IGLON5: variants seen among roughly 807,000 people sequenced by gnomAD.
The protein encoded by IGLON5 is Ig-like domain-containing protein ENSP00000270642.
A neutral mutation model predicts 38.2 loss-of-function variants in IGLON5; 16 were observed. That is an observed-to-expected ratio of 0.42 (90% CI 0.28 to 0.64). The LOEUF (loss-of-function observed/expected upper bound fraction) is 0.64. Among genes scored for constraint, IGLON5 ranks in the 30% least tolerant of loss-of-function variants. IGLON5 has a pLI of 0.23. For synonymous variants in IGLON5, 207 were observed against 216.4 expected, an observed-to-expected ratio of 0.96 and a Z score of 0.38; for missense variants, 366 against 483.4, an observed-to-expected ratio of 0.76 and a Z score of 2.28.
chr19:51,327,929 C>T lies in IGLON5; in HGVS notation c.922+43C>T. 1.1e-6 allele frequency: 1 copy of T among 940,544 alleles called. No homozygotes were observed. The highest frequency in any genetic ancestry group is 1.4e-6 in the Non-Finnish European group (1 of 700,426). 58.3% of individuals were successfully genotyped at this position (940,544 alleles called of 1,614,324 possible). The stretch of plus-strand genomic sequence containing the variant: ...GCGGGGCCGGGAAGGTGGGCGGGGC[C>T]GGGGGCGGGGCTAGGGAAGTGGAGA... On this transcript the variant is annotated intron_variant, in intron 7 of 7. Coordinates refer to ENST00000270642, the MANE Select transcript of IGLON5 (RefSeq NM_001101372.3). This position sits in a 1 kb window ranked among gnomAD's most constrained non-coding sequence, Gnocchi z 7.1.
chr19:51,319,374 T>C (rs1175579116), intron 1 of IGLON5, among the ~76,000 whole-genome samples: 1 of 151,914 alleles, frequency 6.6e-6, no homozygotes, highest in Non-Finnish European at 1.5e-5. Context: ...ATGACCTGAT[T>C]CTCGGCCCAG....
At chr19:51,316,499 T>C (rs1266609989) in intron 1 of IGLON5, among the ~76,000 whole-genome samples, 1 of 118,228 alleles carries the variant, frequency 8.5e-6, no homozygotes, top group African/African-American at 2.7e-5. Flanking sequence ...TTTTCTTTTC[T>C]TTTTTTTTTT....
intron 1 of IGLON5, among the ~76,000 whole-genome samples, chr19:51,313,595 CTCTTTCCTTCTTTCTT>C (rs1376707713): frequency 1.4e-5 from 2 of 142,804 alleles, no homozygotes; most frequent in Admixed American, 6.9e-5. Context: ...TTCCTTCTTT[CTCTTTCCTTCTTTCTT>C]TCTTTCCTTC....
rs1985205147 is a variant in IGLON5, at chr19:51,325,912, A to G, written c.511+447A>G. Among the ~76,000 whole-genome samples the G allele has an allele frequency of 6.6e-6, 1 of 152,134 alleles. No individual in the cohort carries two copies. On this transcript the variant is annotated intron_variant, in intron 4 of 7. Coordinates refer to ENST00000270642, the MANE Select transcript of IGLON5 (RefSeq NM_001101372.3). This position sits in a 1 kb window ranked among gnomAD's most constrained non-coding sequence, Gnocchi z 5.5. ...TGGGCCCCAGACCCGAAGCATCAGC[A>G]TACCTTGGGAACTTGCCAGGAATGC... is the stretch of plus-strand genomic sequence containing the variant.
Position 51,324,200 on chromosome 19 carries a change from C to T in IGLON5, c.391+306C>T, listed in dbSNP as rs1410719972. 1.3e-5 allele frequency among the ~76,000 whole-genome samples: 2 copies of T among 152,162 alleles called. No homozygotes were observed. Among genetic ancestry groups the T allele is most frequent in the African/African-American group, 4.8e-5 (2 of 41,416 alleles). ...TCTGTGTAAGCATTGATCTACAGAA[C>T]AAGGCAGGCTGTCCCCACACCTTGG... On this transcript the variant is annotated intron_variant, in intron 3 of 7. Coordinates refer to ENST00000270642, the MANE Select transcript of IGLON5 (RefSeq NM_001101372.3). This position sits in a 1 kb window ranked among gnomAD's most constrained non-coding sequence, Gnocchi z 4.2.
intron 2 of IGLON5, among the ~76,000 whole-genome samples, chr19:51,323,339 C>T (rs1434563230): frequency 6.7e-6 from 1 of 149,254 alleles, no homozygotes; most frequent in African/African-American, 2.5e-5. Context: ...GGTCTCTGTC[C>T]CTCTCTCTAG....
At chr19:51,316,498 CTTTTT>C (rs542147400) in intron 1 of IGLON5, among the ~76,000 whole-genome samples, 2 of 136,098 alleles carry the variant, frequency 1.5e-5, no homozygotes, top group African/African-American at 5.4e-5. Context: ...CTTTTCTTTT[CTTTTT>C]TTTTTTTTAA....
chr19:51,312,506 T>C (rs1279809950), intron 1 of IGLON5, among the ~76,000 whole-genome samples: 1 of 151,596 alleles, frequency 6.6e-6, no homozygotes, highest in African/African-American at 2.4e-5. Flanking sequence ...AGGGGAAGGG[T>C]CTGAAATCCC....
Position 51,328,845 on chromosome 19 carries a change from G to GT in IGLON5, c.*87dup. The GT allele has an allele frequency of 1.1e-6, 1 of 920,008 alleles. No individual in the cohort carries two copies. Among genetic ancestry groups the GT allele is most frequent in the Admixed American group, 3.0e-5 (1 of 32,794 alleles). The allele number at this position is 920,008 out of a possible 1,614,324, so 57.0% of individuals were successfully genotyped here. On this transcript the variant is annotated 3_prime_UTR_variant, in exon 8 of 8. Coordinates refer to ENST00000270642, the MANE Select transcript of IGLON5 (RefSeq NM_001101372.3). ...CGGGGGAGCAAGAGCCGTGGGTCTC[G>GT]TGGGGGCAGAAGAGCTCTCGGCCAC...
chr19:51,326,859 T>C lies in IGLON5; in HGVS notation c.607T>C (p.Ser203Pro). The C allele has an allele frequency of 1.3e-6, 2 of 1,560,526 alleles. No individual in the cohort carries two copies. Among genetic ancestry groups the C allele is most frequent in the Middle Eastern group, 1.7e-4 (1 of 5,876 alleles). ...YECVTHNGVN[S>P]APDSRRVLVT... is the part of the protein sequence containing the mutation. Reference sequence around the variant, plus strand: ...GTGCGTGACTCACAACGGGGTTAACTCGGCGCCCGACAGCCGCCGCGTGCT... The same window carrying C: ...GTGCGTGACTCACAACGGGGTTAACCCGGCGCCCGACAGCCGCCGCGTGCT... The change falls in exon 5 of 8, where the codon TCG becomes CCG. Residue 203 changes from serine to proline, a missense_variant. Coordinates refer to ENST00000270642, the MANE Select transcript of IGLON5 (RefSeq NM_001101372.3).
At chr19:51,319,651 T>C (rs553567916) in intron 1 of IGLON5, among the ~76,000 whole-genome samples, 13 of 152,260 alleles carry the variant, frequency 8.5e-5, no homozygotes, top group African/African-American at 3.1e-4. Context: ...GGAACTATTG[T>C]ATATGATGGG....
At position 51,327,119 on chromosome 19, in the gene IGLON5, C is replaced by T. The variant is rs1568459757; in HGVS notation, c.686C>T (p.Ala229Val). The T allele has an allele frequency of 6.2e-7, 1 of 1,611,646 alleles. No homozygotes were observed. The highest frequency in any genetic ancestry group is 1.7e-4 in the Middle Eastern group (1 of 6,056). ...TITDVTSART[A>V]LGRAALLRCE... The stretch of plus-strand genomic sequence containing the variant: ...ACGGACGTGACCAGCGCCCGCACCG[C>T]GCTGGGCCGGGCCGCCCTCCTGCGC... Residue 229 changes from alanine (A) to valine (V), a missense_variant, in exon 6 of 8, where the codon GCG becomes GTG. Coordinates refer to ENST00000270642, the MANE Select transcript of IGLON5 (RefSeq NM_001101372.3). The surrounding 1 kb of genome is among the most constrained non-coding windows in gnomAD (Gnocchi z 7.1).
Position 51,318,053 on chromosome 19 carries a change from C to G in IGLON5, c.80-4011C>G, listed in dbSNP as rs73551976. Among the ~76,000 whole-genome samples, 227 of 152,258 alleles carry G rather than the reference C, an allele frequency of 1.5e-3. 2 individuals carry two copies. Among genetic ancestry groups the G allele is most frequent in the African/African-American group, 5.3e-3 (222 of 41,514 alleles). ...GACACAGCTAAGATTCAAGCCATCACAAAGCTCCTCATCACTGTCTCAGCT... is the reference window on the plus strand; with the variant it reads ...GACACAGCTAAGATTCAAGCCATCAGAAAGCTCCTCATCACTGTCTCAGCT... On this transcript the variant is annotated intron_variant, in intron 1 of 7. Transcript: ENST00000270642.
chr19:51,325,942 T>C lies in IGLON5; in HGVS notation c.511+477T>C, dbSNP rs1306960468. 6.6e-6 allele frequency among the ~76,000 whole-genome samples: 1 copy of C among 152,008 alleles called. No homozygotes were observed. Reference sequence around the variant, plus strand: ...TTGGGAACTTGCCAGGAATGCACTTTCCCAGGCTCCAACCAAGACCTGCTA... The same window carrying C: ...TTGGGAACTTGCCAGGAATGCACTTCCCCAGGCTCCAACCAAGACCTGCTA... On this transcript the variant is annotated intron_variant, in intron 4 of 7. Transcript: ENST00000270642. This position sits in a 1 kb window ranked among gnomAD's most constrained non-coding sequence, Gnocchi z 5.5.
At chr19:51,322,718 C>T (rs1307730809) in intron 2 of IGLON5, among the ~76,000 whole-genome samples, 2 of 137,844 alleles carry the variant, frequency 1.5e-5, no homozygotes, top group Admixed American at 7.3e-5. Context: ...TGTCTCTGTC[C>T]CTCTCTGCTG....
rs1335834174 is a variant in IGLON5, at chr19:51,329,381, T to C, written c.*622T>C. 2 of 152,286 alleles carry C rather than the reference T, an allele frequency of 1.3e-5. No individual in the cohort carries two copies. Among genetic ancestry groups the C allele is most frequent in the East Asian group, 1.9e-4 (1 of 5,174 alleles). 9.4% of individuals were successfully genotyped at this position (152,286 alleles called of 1,614,324 possible). On this transcript the variant is annotated 3_prime_UTR_variant, in exon 8 of 8. Transcript: ENST00000270642. The surrounding 1 kb of genome is among the most constrained non-coding windows in gnomAD (Gnocchi z 4.3). The stretch of plus-strand genomic sequence containing the variant: ...TGGGGAGGGGCATCGCACTCACCTG[T>C]CAAGCTGTCATTCAGCCTTTGTGAG...
Position 51,327,071 on chromosome 19 carries a change from C to T in IGLON5, c.647-9C>T, listed in dbSNP as rs1164376805. 3.1e-6 allele frequency: 5 copies of T among 1,604,246 alleles called. No homozygotes were observed. The highest frequency in any genetic ancestry group is 1.7e-5 in the Admixed American group (1 of 59,500). ...CTAGGAGAATTCGCTGACCCTTGCCCCTCGCCAGATCCTCCGACCATCACG... is the reference window on the plus strand; with the variant it reads ...CTAGGAGAATTCGCTGACCCTTGCCTCTCGCCAGATCCTCCGACCATCACG... On this transcript the variant is annotated splice_polypyrimidine_tract_variant and intron_variant, in intron 5 of 7. Transcript: ENST00000270642. The surrounding 1 kb of genome is among the most constrained non-coding windows in gnomAD (Gnocchi z 7.1).
intron 1 of IGLON5, among the ~76,000 whole-genome samples, chr19:51,313,688 TTTCTTTCTTC>T (rs1984838510): frequency 1.2e-5 from 1 of 81,960 alleles, no homozygotes; most frequent in Non-Finnish European, 2.4e-5. Flanking sequence ...TCTTTCTTTC[TTTCTTTCTTC>T]TTTCTTCTCT....
At chr19:51,311,968 G>T (rs528007599) in intron 1 of IGLON5, 42 bp downstream of exon 1, 3 of 1,127,440 alleles carry the variant, frequency 2.7e-6, no homozygotes, top group Non-Finnish European at 3.4e-6. Context: ...CGGGACGCCA[G>T]GGTCTTGGGT....
Sources: gnomAD v4.1 joint callset for allele counts (sites outside exome capture counted in the v4.1 genomes callset) on GRCh38, gnomAD v4.1.1 for gene constraint, Gnocchi (gnomAD v3.1) non-coding constraint, MANE v1.5 for transcripts, NCBI Gene and HGNC (gene_info 2026-07-23, HGNC 2026-07-21) for gene names.